The following EIPR1 variants were observed in gnomAD, a reference collection of about 807,000 sequenced individuals.
EIPR1 encodes EARP complex and GARP complex interacting protein 1, also known as EARP and GARP complex-interacting protein 1.
A neutral mutation model predicts 48.1 loss-of-function variants in EIPR1; 25 were observed. That is an observed-to-expected ratio of 0.52 (90% CI 0.38 to 0.73). The LOEUF is 0.73. Among genes scored for constraint, EIPR1 ranks in the 30% least tolerant of loss-of-function variants. The probability of loss-of-function intolerance (pLI) is 0.00; values close to 1 mark genes in which losing one functional copy is unlikely to be tolerated. For missense variants in EIPR1, 415 were observed against 506.2 expected (o/e 0.82, Z 1.73); for synonymous variants, 204 against 201.9 (o/e 1.01, Z -0.09).
chr2:3,201,937 ATTAT>A (rs1665049787), intron 5 of EIPR1, among the ~76,000 whole-genome samples: 1 of 151,892 alleles, frequency 6.6e-6, no homozygotes, highest in African/African-American at 2.4e-5. Context: ...TTTATTTTTT[ATTAT>A]TTATTTATTT....
At chr2:3,351,067 C>T (rs1282057555) in intron 2 of EIPR1, among the ~76,000 whole-genome samples, 4 of 150,106 alleles carry the variant, frequency 2.7e-5, no homozygotes, top group Non-Finnish European at 4.4e-5. Flanking sequence ...GGTGCGATCT[C>T]GGCTCACTGC....
intron 4 of EIPR1, among the ~76,000 whole-genome samples, chr2:3,233,275 A>C (rs1356682624): frequency 6.6e-6 from 1 of 152,222 alleles, no homozygotes; most frequent in Non-Finnish European, 1.5e-5. Flanking sequence ...ATTCTTTCCA[A>C]AGGGCACACA....
chr2:3,330,357 T>A (rs571878055), intron 3 of EIPR1, among the ~76,000 whole-genome samples: 7 of 152,112 alleles, frequency 4.6e-5, no homozygotes, highest in Non-Finnish European at 5.9e-5. Context: ...TAGGACACGG[T>A]CACAAAGACA....
chr2:3,196,713 T>C (rs151280125), intron 6 of EIPR1, among the ~76,000 whole-genome samples, 168 bp downstream of exon 6: 7 of 152,264 alleles, frequency 4.6e-5, no homozygotes, highest in African/African-American at 1.4e-4. Flanking sequence ...CTAGCTTAAT[T>C]TGGGGTGAAG....
chr2:3,208,505 G>C, intron 5 of EIPR1: 1 of 1,535,246 alleles, frequency 6.5e-7, no homozygotes, highest in East Asian at 2.5e-5. Flanking sequence ...ATATGATGAG[G>C]AGGTCTGTGT....
chr2:3,285,084 C>T (rs1558272945), intron 3 of EIPR1, among the ~76,000 whole-genome samples: 1 of 152,172 alleles, frequency 6.6e-6, no homozygotes, highest in East Asian at 1.9e-4. Context: ...TGGAAAATGT[C>T]CTCGTGAAAG....
intron 4 of EIPR1, among the ~76,000 whole-genome samples, chr2:3,226,469 T>TTTTG (rs769668411): frequency 1.3e-5 from 2 of 152,260 alleles, no homozygotes; most frequent in Non-Finnish European, 2.9e-5. Context: ...AACTGGGTTA[T>TTTTG]TTTGTTTGCT....
At chr2:3,355,858 T>C (rs1166635324) in intron 1 of EIPR1, among the ~76,000 whole-genome samples, 7 of 134,934 alleles carry the variant, frequency 5.2e-5, no homozygotes, top group Admixed American at 7.4e-5. Context: ...ATAATTAAAA[T>C]AGCCAGTCAT....
intron 2 of EIPR1, among the ~76,000 whole-genome samples, chr2:3,339,698 T>C (rs562944338): frequency 2.0e-5 from 3 of 152,088 alleles, no homozygotes; most frequent in South Asian, 2.1e-4. Flanking sequence ...CCTGTAATTG[T>C]AGCACTTTGG....
At chr2:3,285,027 C>T (rs1572395953) in intron 3 of EIPR1, among the ~76,000 whole-genome samples, 1 of 152,138 alleles carries the variant, frequency 6.6e-6, no homozygotes, top group South Asian at 2.1e-4. Context: ...AGTCAATGTC[C>T]CCCAATGGAG....
chr2:3,303,222 G>A (rs1165785867), intron 3 of EIPR1, among the ~76,000 whole-genome samples: 3 of 152,208 alleles, frequency 2.0e-5, no homozygotes, highest in Non-Finnish European at 2.9e-5. Context: ...GGAGATCAAC[G>A]TGAGGGGCTG....
At chr2:3,192,344 G>A (rs1261321115) in intron 8 of EIPR1, 70 bp downstream of exon 8, 20 of 1,475,960 alleles carry the variant, frequency 1.4e-5, no homozygotes, top group Non-Finnish European at 1.1e-5. Flanking sequence ...ACACAGCCTG[G>A]CTCGGGAGAT....
intron 3 of EIPR1, among the ~76,000 whole-genome samples, chr2:3,324,081 T>G (rs1669617742): frequency 6.6e-6 from 1 of 152,190 alleles, no homozygotes; most frequent in South Asian, 2.1e-4. Context: ...GCACACGGCC[T>G]TCTCTGAATC....
At chr2:3,238,138 A>G (rs960506930) in intron 4 of EIPR1, among the ~76,000 whole-genome samples, 6 of 152,208 alleles carry the variant, frequency 3.9e-5, no homozygotes, top group Non-Finnish European at 8.8e-5. Context: ...CCATGGAGGT[A>G]TATTTTAAGA....
chr2:3,276,109 T>C (rs866421045), intron 3 of EIPR1, among the ~76,000 whole-genome samples: 2 of 152,248 alleles, frequency 1.3e-5, no homozygotes, highest in Non-Finnish European at 2.9e-5. Flanking sequence ...TTCAATTTCA[T>C]AGGCATTGCT....
In EIPR1 at chr2:3,286,336, G is replaced by A. The variant is rs1668184902; in HGVS notation, c.260-28881C>T. On this transcript the variant is annotated intron_variant, in intron 3 of 8. Coordinates refer to ENST00000382125, the MANE Select transcript of EIPR1 (RefSeq NM_003310.5). This position sits in a 1 kb window ranked among gnomAD's most constrained non-coding sequence, Gnocchi z 4.2. ...GTACACACACTGCTCCTGTGTAAAC[G>A]TGTGGCCGTGACATGGCCTCCGTTC... is the stretch of plus-strand genomic sequence containing the variant. Among the ~76,000 whole-genome samples, 1 of 152,210 alleles carries A rather than the reference G, an allele frequency of 6.6e-6. No individual in the cohort carries two copies. The highest frequency in any genetic ancestry group is 6.5e-5 in the Admixed American group (1 of 15,280).
chr2:3,212,519 G>A (rs7599793), intron 5 of EIPR1, among the ~76,000 whole-genome samples: 79,163 of 151,974 alleles, frequency 0.52, 21,077 homozygotes, highest in East Asian at 0.73. Flanking sequence ...AAAGCCTACC[G>A]TGAGCCTGGC....
At chr2:3,197,329 C>G (rs562090739) in intron 5 of EIPR1, among the ~76,000 whole-genome samples, 5 of 152,222 alleles carry the variant, frequency 3.3e-5, no homozygotes, top group African/African-American at 1.2e-4. Context: ...CAAAACAACT[C>G]AAACATCTGG....
intron 6 of EIPR1, among the ~76,000 whole-genome samples, chr2:3,196,572 G>T (rs1466708691): frequency 6.6e-6 from 1 of 152,146 alleles, no homozygotes; most frequent in Non-Finnish European, 1.5e-5. Flanking sequence ...GCACCCTGTG[G>T]TCCCCATCTC....
Sources: gnomAD v4.1 joint callset for allele counts (sites outside exome capture counted in the v4.1 genomes callset) on GRCh38, gnomAD v4.1.1 for gene constraint, Gnocchi (gnomAD v3.1) non-coding constraint, MANE v1.5 for transcripts, NCBI Gene and HGNC (gene_info 2026-07-23, HGNC 2026-07-21) for gene names.